The following EFCAB7 variants were observed in gnomAD, a reference collection of about 807,000 sequenced individuals.
The protein encoded by EFCAB7 is EF-hand calcium-binding domain-containing protein 7.
In EFCAB7, 66 loss-of-function variants were observed where a neutral mutation model predicts 77.1. The observed-to-expected ratio is 0.86, with a 90% CI of 0.70 to 1.05. The LOEUF is 1.05. Ranked by LOEUF, EFCAB7 falls within the 50% of genes least tolerant of loss-of-function variation. The probability of loss-of-function intolerance (pLI) is 0.00; values close to 1 mark genes in which losing one functional copy is unlikely to be tolerated. For missense variants in EFCAB7, 638 were observed against 730.5 expected, an observed-to-expected ratio of 0.87 and a Z score of 1.46; for synonymous variants, 225 against 243.3, an observed-to-expected ratio of 0.92 and a Z score of 0.70.
chr1:63,559,265 G>A (rs1426642614), intron 10 of EFCAB7, among the ~76,000 whole-genome samples: 1 of 120,880 alleles, frequency 8.3e-6, no homozygotes, highest in Non-Finnish European at 1.6e-5. Flanking sequence ...TCATGCTGCT[G>A]CACTCCAGCC....
At chr1:63,526,743 T>A (rs555058015) in intron 2 of EFCAB7, among the ~76,000 whole-genome samples, 2 of 152,380 alleles carry the variant, frequency 1.3e-5, no homozygotes, top group East Asian at 1.9e-4. Context: ...TCATATACAT[T>A]AAATGTTTAG....
rs187591603 is a variant in EFCAB7, at chr1:63,563,920, C to T, written c.1497+2063C>T. The stretch of plus-strand genomic sequence containing the variant: ...CTGTAATTGAATAGTTGCTCTTTTA[C>T]TGAATTTGAGAAGTGAAACTTACAT... On this transcript the variant is annotated intron_variant, in intron 11 of 13. Transcript: ENST00000371088. Among the ~76,000 whole-genome samples the T allele has an allele frequency of 1.3e-3, 201 of 152,182 alleles. 4 individuals are homozygous for T. In the East Asian group the frequency reaches 0.016, roughly 12 times the overall value.
chr1:63,533,043 AATAAT>A (rs1343270052), intron 4 of EFCAB7, among the ~76,000 whole-genome samples: 1 of 152,150 alleles, frequency 6.6e-6, no homozygotes, highest in Non-Finnish European at 1.5e-5. Flanking sequence ...ACTACATTAA[AATAAT>A]ATAACCAAGT....
downstream of EFCAB7, among the ~76,000 whole-genome samples, chr1:63,574,567 C>G (rs1159751465): frequency 6.6e-6 from 1 of 152,110 alleles, no homozygotes; most frequent in Non-Finnish European, 1.5e-5. Context: ...GGATCTGATG[C>G]CTTTTGATGG....
intron 7 of EFCAB7, 123 bp from the exon 8 acceptor site, chr1:63,551,602 A>C (rs1199914355): frequency 9.0e-6 from 4 of 442,760 alleles, no homozygotes; most frequent in Admixed American, 4.5e-5. Context: ...AAAAAAAAAA[A>C]CATGGAATAT....
At chr1:63,555,225 T>G in intron 8 of EFCAB7, 133 bp from the exon 9 acceptor site, 1 of 1,033,394 alleles carries the variant, frequency 9.7e-7, no homozygotes. Context: ...GATAGGACTA[T>G]AATAGAATTT....
chr1:63,534,308 A>C lies in EFCAB7; in HGVS notation c.804+92A>C, dbSNP rs1022618018. ...TGTGCAGTGTCTACAGGGAACCAGT[A>C]AAGTTTATGAAGTAATTTGAGGTTT... On this transcript the variant is annotated intron_variant, in intron 6 of 13. Coordinates refer to ENST00000371088, the MANE Select transcript of EFCAB7 (RefSeq NM_032437.4). 3.7e-6 allele frequency: 4 copies of C among 1,092,700 alleles called. No homozygotes were observed. In the African/African-American group the frequency reaches 6.4e-5, roughly 17 times the overall value. 67.7% of individuals were successfully genotyped at this position (1,092,700 alleles called of 1,614,324 possible).
At chr1:63,575,103 TTATC>T (rs1218882692), downstream of EFCAB7, among the ~76,000 whole-genome samples, 3 of 152,160 alleles carry the variant, frequency 2.0e-5, no homozygotes, top group African/African-American at 7.2e-5. Flanking sequence ...AAAAAACTAA[TTATC>T]TAACATGCAG....
At chr1:63,585,312 C>A in the EFCAB7 span, among the ~76,000 whole-genome samples, 1 of 151,998 alleles carries the variant, frequency 6.6e-6, no homozygotes, top group Non-Finnish European at 1.5e-5. Flanking sequence ...ATTGTCAATG[C>A]AGTCTGTAGT....
At chr1:63,565,417 A>G (rs915408291) in intron 11 of EFCAB7, among the ~76,000 whole-genome samples, 6 of 152,114 alleles carry the variant, frequency 3.9e-5, no homozygotes, top group Non-Finnish European at 7.4e-5. Flanking sequence ...TGTAAAACCC[A>G]AAAGTGTAAA....
chr1:63,543,145 C>G (rs892425876), intron 6 of EFCAB7, among the ~76,000 whole-genome samples: 1 of 152,138 alleles, frequency 6.6e-6, no homozygotes, highest in Non-Finnish European at 1.5e-5. Context: ...CAAATTTATT[C>G]TTTTGCAGAT....
chr1:63,527,228 T>C (rs1646608644), intron 2 of EFCAB7, among the ~76,000 whole-genome samples: 1 of 152,224 alleles, frequency 6.6e-6, no homozygotes. Context: ...TGTGTATGTA[T>C]TACTAAGGTG....
chr1:63,542,514 T>G (rs1646840440), intron 6 of EFCAB7, among the ~76,000 whole-genome samples: 1 of 152,232 alleles, frequency 6.6e-6, no homozygotes, highest in Non-Finnish European at 1.5e-5. Context: ...TTTGCTTTTT[T>G]GAGAAATTAC....
At chr1:63,575,257 C>G (rs926044388), downstream of EFCAB7, among the ~76,000 whole-genome samples, 2 of 151,998 alleles carry the variant, frequency 1.3e-5, no homozygotes, top group South Asian at 2.1e-4. Context: ...TCTTAAATTA[C>G]TATATTTAGT....
At position 63,568,214 on chromosome 1, in the gene EFCAB7, C is replaced by G; in HGVS notation, c.1498-96C>G. ...TCTAAAAGTTTATTAGAAGGACAAGCTAGAAGGTATAGCATATCTTCTTAT... is the reference window on the plus strand; with the variant it reads ...TCTAAAAGTTTATTAGAAGGACAAGGTAGAAGGTATAGCATATCTTCTTAT... On this transcript the variant is annotated intron_variant, in intron 11 of 13. Transcript: ENST00000371088. 8.7e-6 allele frequency: 9 copies of G among 1,034,730 alleles called. No individual in the cohort carries two copies. The South Asian group carries it at 1.5e-4, about 17-fold the overall frequency. The allele number at this position is 1,034,730 out of a possible 1,614,324, so 64.1% of individuals were successfully genotyped here.
intron 9 of EFCAB7, among the ~76,000 whole-genome samples, chr1:63,555,930 G>A (rs997090661): frequency 5.3e-5 from 8 of 152,050 alleles, no homozygotes; most frequent in Non-Finnish European, 1.0e-4. Flanking sequence ...AGAGATGGGA[G>A]TCTCGCTATG....
intron 7 of EFCAB7, chr1:63,549,912 C>T (rs1025566434): frequency 6.4e-6 from 1 of 156,622 alleles, no homozygotes; most frequent in African/African-American, 2.4e-5. Flanking sequence ...GGAATTTATG[C>T]AAAAAACATG....
chr1:63,549,507 T>C (rs1646940298), intron 7 of EFCAB7: 1 of 456,850 alleles, frequency 2.2e-6, no homozygotes, highest in Admixed American at 2.6e-5. Flanking sequence ...TTACTGTACC[T>C]TCCTCATGGA....
intron 10 of EFCAB7, among the ~76,000 whole-genome samples, chr1:63,558,689 T>C (rs1400750184): frequency 6.6e-6 from 1 of 152,176 alleles, no homozygotes; most frequent in Non-Finnish European, 1.5e-5. Context: ...TGTAAGATTA[T>C]TTTAATAAAC....
Sources: gnomAD v4.1 joint callset for allele counts (sites outside exome capture counted in the v4.1 genomes callset) on GRCh38, gnomAD v4.1.1 for gene constraint, MANE v1.5 for transcripts, NCBI Gene and HGNC (gene_info 2026-07-23, HGNC 2026-07-21) for gene names.